The following MTREX variants were observed in gnomAD, a reference collection of about 807,000 sequenced individuals.
MTREX encodes Mtr4 exosome RNA helicase.
In MTREX, 76 loss-of-function variants were observed where a neutral mutation model predicts 135.4. The ratio of observed to expected loss-of-function variants is 0.56; its 90% CI spans 0.47 to 0.68. The LOEUF (loss-of-function observed/expected upper bound fraction) is 0.68. Ranked by LOEUF, MTREX falls within the 30% of genes least tolerant of loss-of-function variation. The pLI, the probability that MTREX is intolerant of heterozygous loss-of-function variation, is 0.00. For missense variants in MTREX, 920 were observed against 1,262.1 expected (o/e 0.73, Z 4.11); for synonymous variants, 404 against 401.6 (o/e 1.01, Z -0.07).
At chr5:55,413,928 T>G (rs1750926288) in intron 23 of MTREX, among the ~76,000 whole-genome samples, 1 of 152,220 alleles carries the variant, frequency 6.6e-6, no homozygotes, top group African/African-American at 2.4e-5. Flanking sequence ...AAGGAGCTAG[T>G]TAGCACACTT....
intron 16 of MTREX, among the ~76,000 whole-genome samples, chr5:55,376,542 C>T (rs1027976637): frequency 5.3e-5 from 8 of 152,090 alleles, no homozygotes; most frequent in Admixed American, 2.0e-4. Context: ...ATGATAACAG[C>T]GATTAAAGTG....
At position 55,308,003 on chromosome 5, in the gene MTREX, T is replaced by G. The variant is rs565837541; in HGVS notation, c.-11T>G. 5.0e-6 allele frequency: 8 copies of G among 1,614,124 alleles called. No homozygotes were observed. Among genetic ancestry groups the G allele is most frequent in the African/African-American group, 1.3e-5 (1 of 75,038 alleles). On this transcript the variant is annotated 5_prime_UTR_variant, in exon 1 of 27. Coordinates refer to ENST00000230640, the MANE Select transcript of MTREX (RefSeq NM_015360.5). ...GGGTAGGAGGGAGATTTGCTCTCAC[T>G]GCTCCCAAAAATGGCGGACGCATTC...
chr5:55,369,336 C>A (rs1012844683), intron 16 of MTREX, among the ~76,000 whole-genome samples: 3 of 152,168 alleles, frequency 2.0e-5, no homozygotes, highest in Non-Finnish European at 4.4e-5. Context: ...AAGCAGTTAG[C>A]ACAGTCATGC....
At chr5:55,334,756 A>G (rs1749528820) in intron 5 of MTREX, among the ~76,000 whole-genome samples, 1 of 152,088 alleles carries the variant, frequency 6.6e-6, no homozygotes, top group African/African-American at 2.4e-5. Context: ...CTCTAGCCAC[A>G]GGCAAACACT....
intron 16 of MTREX, among the ~76,000 whole-genome samples, chr5:55,373,883 A>G (rs1750247254): frequency 6.6e-6 from 1 of 152,118 alleles, no homozygotes; most frequent in East Asian, 1.9e-4. Flanking sequence ...GCTGGCATCC[A>G]CTGCTTGGTG....
At chr5:55,350,345 A>T (rs1749806761) in intron 12 of MTREX, among the ~76,000 whole-genome samples, 1 of 152,184 alleles carries the variant, frequency 6.6e-6, no homozygotes, top group East Asian at 1.9e-4. Context: ...TTGCTATTTG[A>T]AAAGGGTATT....
chr5:55,350,073 G>C (rs188074490), intron 12 of MTREX, among the ~76,000 whole-genome samples: 1 of 152,226 alleles, frequency 6.6e-6, no homozygotes, highest in East Asian at 1.9e-4. Context: ...AAACAGCCTG[G>C]GAATTCCAAA....
intron 15 of MTREX, among the ~76,000 whole-genome samples, chr5:55,364,684 T>C (rs1750072245): frequency 1.3e-5 from 2 of 152,186 alleles, no homozygotes; most frequent in African/African-American, 4.8e-5. Context: ...ATAATCTAGG[T>C]ATGATTTGAT....
At chr5:55,334,539 A>C (rs57231603) in intron 5 of MTREX, among the ~76,000 whole-genome samples, 20,642 of 152,052 alleles carry the variant, frequency 0.14, 1,717 homozygotes, top group East Asian at 0.26. Context: ...TATATGTAAA[A>C]CAAATACTTT....
At chr5:55,333,769 T>A (rs1403963830) in intron 5 of MTREX, among the ~76,000 whole-genome samples, 2 of 152,140 alleles carry the variant, frequency 1.3e-5, no homozygotes, top group African/African-American at 4.8e-5. Flanking sequence ...TTTGTTATAA[T>A]GTAGAATGTT....
At chr5:55,407,813 G>A (rs1459450805) in intron 22 of MTREX, among the ~76,000 whole-genome samples, 2 of 151,882 alleles carry the variant, frequency 1.3e-5, no homozygotes, top group Non-Finnish European at 2.9e-5. Flanking sequence ...GGGTGCAGTG[G>A]TGCAATCTCG....
At chr5:55,344,442 A>T in intron 8 of MTREX, 80 bp from the exon 9 acceptor site, 2 of 874,598 alleles carry the variant, frequency 2.3e-6, no homozygotes, top group Non-Finnish European at 3.6e-6. Flanking sequence ...TGATTTTCTT[A>T]AGATCTTTTA....
chr5:55,399,153 G>A (rs1293532125), intron 20 of MTREX, among the ~76,000 whole-genome samples: 3 of 152,118 alleles, frequency 2.0e-5, no homozygotes, highest in African/African-American at 7.2e-5. Context: ...TTTGATTAGG[G>A]CAGACATATA....
Position 55,387,980 on chromosome 5 carries a change from T to C in MTREX, c.2059T>C (p.Ser687Pro). 5.7e-6 allele frequency: 9 copies of C among 1,587,572 alleles called. No homozygotes were observed. Among genetic ancestry groups the C allele is most frequent in the Non-Finnish European group, 5.2e-6 (6 of 1,162,974 alleles). The part of the protein sequence containing the change: ...FSKKSNVKPN[S>P]GELDPLYVVE... ...CTTCTGTTTTGTTTTTTAGCCTAAC[T>C]CTGGTGAACTGGATCCTTTGTATGT... Residue 687 changes from serine (S) to proline (P), a missense_variant, in exon 19 of 27, where the codon TCT becomes CCT. Coordinates refer to ENST00000230640, the MANE Select transcript of MTREX (RefSeq NM_015360.5).
At chr5:55,341,546 AC>A (rs1357256816) in intron 6 of MTREX, 134 bp from the exon 7 acceptor site, 7 of 537,622 alleles carry the variant, frequency 1.3e-5, no homozygotes. Context: ...AAGTTCTGTA[AC>A]CCCTTAAAAT....
chr5:55,357,613 C>G (rs1749941995), intron 14 of MTREX: 1 of 152,422 alleles, frequency 6.6e-6, no homozygotes, highest in South Asian at 2.1e-4. Context: ...AGGCAGTGGG[C>G]TTTCAGCATC....
At chr5:55,311,070 C>A (rs1186180872) in intron 1 of MTREX, among the ~76,000 whole-genome samples, 1 of 152,190 alleles carries the variant, frequency 6.6e-6, no homozygotes, top group African/African-American at 2.4e-5. Context: ...ATGTGAGCCA[C>A]TGTGCACAGC....
intron 19 of MTREX, among the ~76,000 whole-genome samples, chr5:55,396,454 G>A (rs1409818307): frequency 1.3e-5 from 2 of 152,102 alleles, no homozygotes; most frequent in African/African-American, 4.8e-5. Flanking sequence ...ATGTCTGCAA[G>A]TTAATTTCAA....
intron 7 of MTREX, 22 bp downstream of exon 7, chr5:55,341,793 A>G (rs1283520014): frequency 3.6e-6 from 4 of 1,123,778 alleles, no homozygotes; most frequent in Non-Finnish European, 3.9e-6. Flanking sequence ...GTTGAAATGT[A>G]TATCATGTAT....
Sources: gnomAD v4.1 joint callset for allele counts (sites outside exome capture counted in the v4.1 genomes callset) on GRCh38, gnomAD v4.1.1 for gene constraint, MANE v1.5 for transcripts, NCBI Gene and HGNC (gene_info 2026-07-23, HGNC 2026-07-21) for gene names.